The following TMCO1 variants were observed in gnomAD, a reference collection of about 807,000 sequenced individuals.
TMCO1 encodes calcium load-activated calcium channel.
TMCO1 carries 29 observed loss-of-function variants against 29.3 expected under a neutral mutation model. The ratio of observed to expected loss-of-function variants is 0.99; its 90% CI spans 0.74 to 1.35. The LOEUF is 1.35. Ranked by LOEUF, TMCO1 falls within the 40% of genes most tolerant of loss-of-function variation. The pLI is 0.00. For synonymous variants in TMCO1, 80 were observed against 77.1 expected (o/e 1.04, Z -0.20); for missense variants, 173 against 225.5 (o/e 0.77, Z 1.49).
In TMCO1 at chr1:165,750,123, A is replaced by G. The variant is rs1356287196; in HGVS notation, c.323+1979T>C. On this transcript the variant is annotated intron_variant, in intron 5 of 6. Coordinates refer to ENST00000367881, the MANE Select transcript of TMCO1 (RefSeq NM_019026.6). ...GATATAAATTAATAAAATCTAAGGAACAATATATACCAAAGTTTAACTCAC... is the reference window on the plus strand; with the variant it reads ...GATATAAATTAATAAAATCTAAGGAGCAATATATACCAAAGTTTAACTCAC... 4.6e-5 allele frequency among the ~76,000 whole-genome samples: 7 copies of G among 152,198 alleles called. No individual in the cohort carries two copies. In the East Asian group the frequency reaches 1.2e-3, roughly 25 times the overall value.
intron 2 of TMCO1, among the ~76,000 whole-genome samples, chr1:165,762,811 T>C (rs1362927892): frequency 6.6e-6 from 1 of 152,184 alleles, no homozygotes; most frequent in Non-Finnish European, 1.5e-5. Context: ...TCACAGCAAT[T>C]TATACTTAGT....
rs1558026205 is a variant in TMCO1, at chr1:165,726,994, TCA to T, written c.*1027_*1028del. The T allele has an allele frequency of 4.4e-6, 2 of 454,122 alleles. No homozygotes were observed. The highest frequency in any genetic ancestry group is 8.8e-6 in the Non-Finnish European group (2 of 226,784). 28.1% of individuals were successfully genotyped at this position (454,122 alleles called of 1,614,324 possible). On this transcript the variant is annotated 3_prime_UTR_variant, in exon 7 of 7. Transcript: ENST00000367881. ...GTGTTTTTTCTCACTGGTAGAATAC[TCA>T]CATTTAAGTAGACATTTGATGAATG...
At chr1:165,735,103 G>C (rs1287040132) in intron 6 of TMCO1, among the ~76,000 whole-genome samples, 1 of 152,062 alleles carries the variant, frequency 6.6e-6, no homozygotes, top group Admixed American at 6.6e-5. Context: ...TGTAATAAAG[G>C]TCTTTTCTGC....
In TMCO1 at chr1:165,727,705, G is replaced by C. The variant is rs1276856631; in HGVS notation, c.*318C>G. ...ACAGCCAACTTGCAGGGCATACACA[G>C]TGCCTTGAGAGTCGGTCCCACAGAA... On this transcript the variant is annotated 3_prime_UTR_variant, in exon 7 of 7. Transcript: ENST00000367881. 1 of 454,940 alleles carries C rather than the reference G, an allele frequency of 2.2e-6. No individual in the cohort carries two copies. The highest frequency in any genetic ancestry group is 2.4e-5 in the Admixed American group (1 of 42,526). The allele number at this position is 454,940 out of a possible 1,614,324, so 28.2% of individuals were successfully genotyped here. A position where few individuals can be genotyped will look rare whatever the true frequency, so the allele number is the denominator to read the frequency against.
chr1:165,749,072 T>C (rs940981597), intron 5 of TMCO1, among the ~76,000 whole-genome samples: 2 of 152,220 alleles, frequency 1.3e-5, no homozygotes, highest in Non-Finnish European at 2.9e-5. Context: ...ACAGTTTGTT[T>C]ATCCTTTCAC....
chr1:165,752,234 A>C, intron 4 of TMCO1, 65 bp from the exon 5 acceptor site: 1 of 1,331,928 alleles, frequency 7.5e-7, no homozygotes, highest in Non-Finnish European at 1.1e-6. Flanking sequence ...CATATCTCAA[A>C]AGTTTTGGTT....
At position 165,754,229 on chromosome 1, in the gene TMCO1, A is replaced by G. The variant is rs1448621317; in HGVS notation, c.254T>C (p.Met85Thr). Reference sequence around the variant, plus strand: ...TGAAGTTATAGTTAGGTCTCTTACCATTGATAGATCTCTGTTGTTATTCTT... The same window carrying G: ...TGAAGTTATAGTTAGGTCTCTTACCGTTGATAGATCTCTGTTGTTATTCTT... Reference protein sequence around the residue: ...KLKNNNRDLSMVRMKSMFAIG... With the variant: ...KLKNNNRDLSTVRMKSMFAIG... The change falls in exon 4 of 7, where the codon ATG becomes ACG. Residue 85 changes from methionine to threonine, a missense_variant and splice_region_variant. Met to Thr is a moderately conservative substitution (Grantham distance 81). Coordinates refer to ENST00000367881, the MANE Select transcript of TMCO1 (RefSeq NM_019026.6). 1.9e-6 allele frequency: 3 copies of G among 1,610,284 alleles called. No individual in the cohort carries two copies. The highest frequency in any genetic ancestry group is 1.7e-5 in the Admixed American group (1 of 60,020).
intron 5 of TMCO1, among the ~76,000 whole-genome samples, chr1:165,745,323 T>C (rs1438861641): frequency 3.3e-5 from 5 of 149,606 alleles, no homozygotes; most frequent in Non-Finnish European, 5.9e-5. Flanking sequence ...ACTCTTGGCT[T>C]ACATAATCTT....
At chr1:165,752,062 G>C (rs1334387501) in intron 5 of TMCO1, 40 bp downstream of exon 5, 1 of 1,443,544 alleles carries the variant, frequency 6.9e-7, no homozygotes, top group East Asian at 2.3e-5. Flanking sequence ...CAAATATAGA[G>C]TAATAGTTAT....
intron 2 of TMCO1, among the ~76,000 whole-genome samples, chr1:165,765,366 T>C (rs6668885): frequency 0.88 from 134,378 of 152,256 alleles, 59,393 homozygotes; most frequent in East Asian, 0.99. Flanking sequence ...TCACTGCAAC[T>C]TCCGCCTCCC....
intron 6 of TMCO1, among the ~76,000 whole-genome samples, chr1:165,742,050 C>T (rs902748171): frequency 2.0e-5 from 3 of 152,154 alleles, no homozygotes; most frequent in Non-Finnish European, 4.4e-5. Context: ...AACTAATACA[C>T]AGGGCAACCA....
In TMCO1 at chr1:165,728,011, G is replaced by T; in HGVS notation, c.*12C>A. 2 of 1,586,946 alleles carry T rather than the reference G, an allele frequency of 1.3e-6. No homozygotes were observed. The highest frequency in any genetic ancestry group is 1.1e-5 in the South Asian group (1 of 90,542). On this transcript the variant is annotated 3_prime_UTR_variant, in exon 7 of 7. Transcript: ENST00000367881. ...TCTAGAAAGAATGATAGAAAATAAA[G>T]AGTTCTTGAGTTCAAGAGAACTTCC... is the stretch of plus-strand genomic sequence containing the variant.
intron 5 of TMCO1, among the ~76,000 whole-genome samples, chr1:165,745,576 G>A (rs1651770131): frequency 6.6e-6 from 1 of 151,830 alleles, no homozygotes; most frequent in Admixed American, 6.6e-5. Flanking sequence ...GAGCCCAGCA[G>A]GTTGAGGCTG....
chr1:165,748,719 T>C (rs1158382930), intron 5 of TMCO1, among the ~76,000 whole-genome samples: 1 of 152,194 alleles, frequency 6.6e-6, no homozygotes, highest in Non-Finnish European at 1.5e-5. Flanking sequence ...TGGTTGACAT[T>C]AGGGTTCATT....
In TMCO1 at chr1:165,727,339, T is replaced by G. The variant is rs1268803777; in HGVS notation, c.*684A>C. ...AGTGTTACTTGCCAAGACCCTCATT[T>G]TTAAACTCCAACGAGTTATTACGTT... On this transcript the variant is annotated 3_prime_UTR_variant, in exon 7 of 7. Coordinates refer to ENST00000367881, the MANE Select transcript of TMCO1 (RefSeq NM_019026.6). The G allele has an allele frequency of 2.2e-6, 1 of 453,942 alleles. No homozygotes were observed. The highest frequency in any genetic ancestry group is 4.4e-6 in the Non-Finnish European group (1 of 226,782). The allele number at this position is 453,942 out of a possible 1,614,324, so 28.1% of individuals were successfully genotyped here. A position where few individuals can be genotyped will look rare whatever the true frequency, so the allele number is the denominator to read the frequency against.
intron 6 of TMCO1, among the ~76,000 whole-genome samples, chr1:165,733,948 A>G (rs1322005561): frequency 6.6e-6 from 1 of 152,234 alleles, no homozygotes; most frequent in Non-Finnish European, 1.5e-5. Context: ...TGCTAACTGG[A>G]TATTTTGGGA....
intron 5 of TMCO1, among the ~76,000 whole-genome samples, chr1:165,744,786 A>G (rs10918273): frequency 0.07 from 5,025 of 72,270 alleles, 289 homozygotes; most frequent in African/African-American, 0.2. Context: ...GCAAAACTCC[A>G]TCTCAAAAAA....
intron 3 of TMCO1, among the ~76,000 whole-genome samples, chr1:165,758,685 C>A (rs1015890708): frequency 1.3e-5 from 2 of 152,156 alleles, no homozygotes; most frequent in Non-Finnish European, 2.9e-5. Context: ...AAAATAGAAT[C>A]TTTTTCTACT....
At chr1:165,744,843 T>A (rs1044622418) in intron 5 of TMCO1, among the ~76,000 whole-genome samples, 2 of 151,886 alleles carry the variant, frequency 1.3e-5, no homozygotes, top group African/African-American at 4.8e-5. Flanking sequence ...TATTTCAACT[T>A]TATGTAAATG....
Sources: allele counts gnomAD v4.1 joint callset (sites outside exome capture counted in the v4.1 genomes callset), GRCh38; gene constraint gnomAD v4.1.1; transcripts MANE v1.5; gene names NCBI Gene and HGNC (gene_info 2026-07-23, HGNC 2026-07-21).